THSD7A: variants seen among roughly 807,000 people sequenced by gnomAD.
THSD7A encodes the protein thrombospondin type-1 domain-containing protein 7A.
THSD7A carries 96 observed loss-of-function variants against 231.3 expected under a neutral mutation model. The observed-to-expected ratio is 0.41, with a 90% CI of 0.35 to 0.49. THSD7A has a LOEUF of 0.49. Among genes scored for constraint, THSD7A ranks in the 20% least tolerant of loss-of-function variants. The pLI is 0.05. For synonymous variants in THSD7A, 940 were observed against 743.3 expected (o/e 1.26, Z -4.30); for missense variants, 2,290 against 2,070.2 (o/e 1.11, Z -2.06).
intron 1 of THSD7A, among the ~76,000 whole-genome samples, chr7:11,742,419 C>G (rs1197963425): frequency 6.6e-6 from 1 of 151,750 alleles, no homozygotes; most frequent in African/African-American, 2.4e-5. Flanking sequence ...AGGACAATAA[C>G]TTGACAATAA....
At chr7:11,716,082 T>C (rs1176597193) in intron 1 of THSD7A, among the ~76,000 whole-genome samples, 1 of 151,520 alleles carries the variant, frequency 6.6e-6, no homozygotes, top group Non-Finnish European at 1.5e-5. Context: ...ACCTCTCAAT[T>C]AGAACACTAA....
chr7:11,559,963 G>C (rs994299272), intron 4 of THSD7A, among the ~76,000 whole-genome samples: 1 of 152,100 alleles, frequency 6.6e-6, no homozygotes, highest in Non-Finnish European at 1.5e-5. Flanking sequence ...TTATCTGAGA[G>C]ATATTTATAA....
chr7:11,684,850 C>A (rs1358612879), intron 1 of THSD7A, among the ~76,000 whole-genome samples: 1 of 151,994 alleles, frequency 6.6e-6, no homozygotes, highest in Admixed American at 6.6e-5. Context: ...CAATGCCATT[C>A]TTCCCAGACT....
intron 1 of THSD7A, among the ~76,000 whole-genome samples, chr7:11,638,938 T>G (rs1488727315): frequency 2.0e-5 from 3 of 152,294 alleles, no homozygotes; most frequent in East Asian, 1.9e-4. Context: ...CCTAGGAAAC[T>G]TCTCAAAATG....
chr7:11,614,033 A>G (rs1354440497), intron 2 of THSD7A, among the ~76,000 whole-genome samples: 1 of 152,216 alleles, frequency 6.6e-6, no homozygotes, highest in Non-Finnish European at 1.5e-5. Context: ...GTGGAAAGAT[A>G]AAATGGTCAA....
intron 1 of THSD7A, among the ~76,000 whole-genome samples, chr7:11,773,972 C>T (rs1783320386): frequency 6.6e-6 from 1 of 151,996 alleles, no homozygotes; most frequent in Non-Finnish European, 1.5e-5. Context: ...ATAAATAACC[C>T]AAGTTTACCT....
intron 5 of THSD7A, among the ~76,000 whole-genome samples, chr7:11,542,380 T>C (rs773742941): frequency 1.4e-4 from 22 of 152,250 alleles, no homozygotes; most frequent in Non-Finnish European, 2.2e-4. Flanking sequence ...CATGAGATCA[T>C]GTGAAAATTA....
intron 1 of THSD7A, among the ~76,000 whole-genome samples, chr7:11,653,570 C>T (rs1224206504): frequency 3.3e-5 from 5 of 151,186 alleles, no homozygotes; most frequent in African/African-American, 4.9e-5. Context: ...GCAATCATAG[C>T]ACGTTACATC....
rs2128360080 is a variant in THSD7A at position 11,636,097 on chromosome 7, A to G, written c.1022+33T>C. On this transcript the variant is annotated intron_variant, in intron 2 of 27. Coordinates refer to ENST00000423059, the MANE Select transcript of THSD7A (RefSeq NM_015204.3). This position sits in a 1 kb window ranked among gnomAD's most constrained non-coding sequence, Gnocchi z 10.0. ...AGGTACTCATGATTCTTGACAGACA[A>G]GCCTGTGTAGTTAACAGTAATTAAA... is the stretch of plus-strand genomic sequence containing the variant. 1.3e-6 allele frequency: 2 copies of G among 1,560,560 alleles called. No homozygotes were observed. The highest frequency in any genetic ancestry group is 1.7e-6 in the Non-Finnish European group (2 of 1,145,718).
intron 2 of THSD7A, among the ~76,000 whole-genome samples, chr7:11,619,072 T>A (rs1232052676): frequency 2.0e-5 from 3 of 152,034 alleles, no homozygotes; most frequent in African/African-American, 4.8e-5. Flanking sequence ...AAAACTTTTT[T>A]AAACATCATT....
intron 1 of THSD7A, among the ~76,000 whole-genome samples, chr7:11,642,237 A>G (rs1029521551): frequency 3.5e-4 from 53 of 152,178 alleles, no homozygotes; most frequent in Non-Finnish European, 1.3e-4. Context: ...AGTGGGAGGT[A>G]GGGGTAGCAG....
intron 1 of THSD7A, among the ~76,000 whole-genome samples, chr7:11,763,789 G>A (rs918507533): frequency 6.6e-6 from 1 of 151,884 alleles, no homozygotes; most frequent in Admixed American, 6.6e-5. Context: ...TCCTGCTCTA[G>A]CTTTTCTCAA....
rs190951567 is a variant in THSD7A, at chr7:11,439,338, A to G, written c.3064+6723T>C. On this transcript the variant is annotated intron_variant, in intron 13 of 27. Transcript: ENST00000423059. ...TTTTACAAATTGAAGGTTTATGACA[A>G]TCTTGCATTGAGCAAATCTATCGGT... Among the ~76,000 whole-genome samples the G allele has an allele frequency of 6.5e-4, 99 of 152,126 alleles. 1 individual carries two copies. The East Asian group carries it at 0.017, about 26-fold the overall frequency.
chr7:11,573,547 C>G (rs1424887352), intron 4 of THSD7A, among the ~76,000 whole-genome samples: 1 of 152,184 alleles, frequency 6.6e-6, no homozygotes, highest in African/African-American at 2.4e-5. Flanking sequence ...GCTTGTTGGC[C>G]AATGACTAAA....
At position 11,831,683 on chromosome 7, in the gene THSD7A, C is replaced by A; in HGVS notation, c.190+74G>T. On this transcript the variant is annotated intron_variant, in intron 1 of 27. Transcript: ENST00000423059. The surrounding 1 kb of genome is among the most constrained non-coding windows in gnomAD (Gnocchi z 5.0). ...AAGCCATCCAAAAGCACCGGGGTCC[C>A]TACAGAAGCCCACCAGCTCCTTAAT... 8.5e-7 allele frequency: 1 copy of A among 1,180,050 alleles called. No homozygotes were observed. Among genetic ancestry groups the A allele is most frequent in the Non-Finnish European group, 1.1e-6 (1 of 917,032 alleles). 73.1% of individuals were successfully genotyped at this position (1,180,050 alleles called of 1,614,324 possible).
intron 1 of THSD7A, among the ~76,000 whole-genome samples, chr7:11,828,679 CT>C (rs1321398905): frequency 6.6e-6 from 1 of 152,050 alleles, no homozygotes; most frequent in African/African-American, 2.4e-5. Flanking sequence ...CATATTTTAG[CT>C]CCTCAAAAAC....
chr7:11,474,238 C>G lies in THSD7A; in HGVS notation c.2252+96G>C. The G allele has an allele frequency of 9.7e-7, 1 of 1,028,452 alleles. No homozygotes were observed. The highest frequency in any genetic ancestry group is 1.7e-5 in the South Asian group (1 of 59,582). The allele number at this position is 1,028,452 out of a possible 1,614,324, so 63.7% of individuals were successfully genotyped here. Reference sequence around the variant, plus strand: ...TGCTCTTGAGGACAGGTATGACAAGCATCAAAATGTTCCATTTCATGAAGC... The same window carrying G: ...TGCTCTTGAGGACAGGTATGACAAGGATCAAAATGTTCCATTTCATGAAGC... On this transcript the variant is annotated intron_variant, in intron 8 of 27. Transcript: ENST00000423059. This position sits in a 1 kb window ranked among gnomAD's most constrained non-coding sequence, Gnocchi z 4.1.
chr7:11,626,621 C>A (rs548592767), intron 2 of THSD7A, among the ~76,000 whole-genome samples: 1 of 152,068 alleles, frequency 6.6e-6, no homozygotes, highest in African/African-American at 2.4e-5. Flanking sequence ...TCACTGACAC[C>A]AACTAATTGA....
At chr7:11,578,891 A>G (rs1213875147) in intron 4 of THSD7A, among the ~76,000 whole-genome samples, 1 of 152,226 alleles carries the variant, frequency 6.6e-6, no homozygotes, top group African/African-American at 2.4e-5. Context: ...CACTGAGGAC[A>G]TGTAACTTTG....
Sources: allele counts gnomAD v4.1 joint callset (sites outside exome capture counted in the v4.1 genomes callset), GRCh38; gene constraint gnomAD v4.1.1; non-coding constraint Gnocchi (gnomAD v3.1); transcripts MANE v1.5; gene names NCBI Gene and HGNC (gene_info 2026-07-23, HGNC 2026-07-21).